The following JMJD1C variants were observed in gnomAD, a reference collection of about 807,000 sequenced individuals.
JMJD1C encodes jumonji domain-containing protein 1C.
A neutral mutation model predicts 245.3 loss-of-function variants in JMJD1C; 31 were observed. That is an observed-to-expected ratio of 0.13 (90% CI 0.09 to 0.17). The LOEUF is 0.17. JMJD1C is among the 10% of genes least tolerant of loss of function. The pLI is 1.00. For synonymous variants in JMJD1C, 1,057 were observed against 1,017.4 expected, an observed-to-expected ratio of 1.04 and a Z score of -0.74; for missense variants, 2,691 against 3,000.2, an observed-to-expected ratio of 0.90 and a Z score of 2.41.
intron 3 of JMJD1C, among the ~76,000 whole-genome samples, chr10:63,254,681 C>G (rs1185778958): frequency 7.0e-6 from 1 of 143,812 alleles, no homozygotes; most frequent in Non-Finnish European, 1.5e-5. Flanking sequence ...GTTGGGACTA[C>G]AGGTGTCCCG....
chr10:63,349,910 C>T (rs1944203095), intron 2 of JMJD1C, among the ~76,000 whole-genome samples: 1 of 152,106 alleles, frequency 6.6e-6, no homozygotes, highest in African/African-American at 2.4e-5. Flanking sequence ...AGAGTATCTA[C>T]ATAAATTTTT....
intron 2 of JMJD1C, among the ~76,000 whole-genome samples, chr10:63,286,175 T>C (rs537057683): frequency 1.2e-4 from 18 of 152,314 alleles, no homozygotes; most frequent in Non-Finnish European, 2.4e-4. Context: ...AAAGACCCTT[T>C]TAAGAATCTG....
chr10:63,199,223 G>A (rs534397723), intron 11 of JMJD1C, among the ~76,000 whole-genome samples: 3 of 152,226 alleles, frequency 2.0e-5, no homozygotes, highest in East Asian at 3.9e-4. Context: ...ATTCTTAATA[G>A]TTTTATAGGA....
chr10:63,351,080 CT>C (rs998025835), intron 2 of JMJD1C, among the ~76,000 whole-genome samples: 226 of 131,048 alleles, frequency 1.7e-3, no homozygotes, highest in East Asian at 8.2e-3. Context: ...AGAAATTTTT[CT>C]TTTTTTTTTT....
chr10:63,298,624 CTACAAGTAT>C (rs1272399427), intron 2 of JMJD1C, among the ~76,000 whole-genome samples: 4 of 152,210 alleles, frequency 2.6e-5, no homozygotes, highest in African/African-American at 9.6e-5. Flanking sequence ...GTACTATATA[CTACAAGTAT>C]TAGGTTTTCA....
intron 3 of JMJD1C, among the ~76,000 whole-genome samples, chr10:63,240,079 G>C (rs1299043421): frequency 6.6e-6 from 1 of 152,050 alleles, no homozygotes; most frequent in Non-Finnish European, 1.5e-5. Context: ...ACTCCATGGG[G>C]GCAGGAAATT....
chr10:63,505,436 G>T (rs1284999427), intron 1 of JMJD1C, among the ~76,000 whole-genome samples: 1 of 152,004 alleles, frequency 6.6e-6, no homozygotes, highest in East Asian at 1.9e-4. Context: ...TTCACGGTAA[G>T]ATGATTGAAA....
chr10:63,193,814 C>G (rs1168839551), intron 14 of JMJD1C, among the ~76,000 whole-genome samples: 2 of 152,032 alleles, frequency 1.3e-5, no homozygotes, highest in African/African-American at 4.8e-5. Context: ...CTACAGGCAC[C>G]TGCCACCACG....
chr10:63,513,296 C>CA (rs1360745542), intron 1 of JMJD1C, among the ~76,000 whole-genome samples: 1 of 152,044 alleles, frequency 6.6e-6, no homozygotes, highest in Non-Finnish European at 1.5e-5. Flanking sequence ...TTACCATATA[C>CA]AAAAATTAAC....
At chr10:63,518,381 C>A (rs550286654) in intron 1 of JMJD1C, among the ~76,000 whole-genome samples, 2 of 152,190 alleles carry the variant, frequency 1.3e-5, no homozygotes, top group Admixed American at 1.3e-4. Context: ...AATCCATATA[C>A]CCTAAATAAG....
intron 1 of JMJD1C, among the ~76,000 whole-genome samples, chr10:63,480,679 T>C (rs1361567877): frequency 6.6e-6 from 1 of 151,632 alleles, no homozygotes; most frequent in African/African-American, 2.4e-5. Flanking sequence ...TGAATGCCTA[T>C]AGATAGAGGC....
chr10:63,377,130 T>G (rs1052640774), intron 2 of JMJD1C, among the ~76,000 whole-genome samples: 2 of 151,610 alleles, frequency 1.3e-5, no homozygotes, highest in Non-Finnish European at 2.9e-5. Context: ...TTAACATGCA[T>G]GAACCCTGAA....
intron 1 of JMJD1C, among the ~76,000 whole-genome samples, chr10:63,413,015 G>T (rs545170795): frequency 6.7e-6 from 1 of 149,372 alleles, no homozygotes; most frequent in Non-Finnish European, 1.5e-5. Flanking sequence ...AGAAAAAGCC[G>T]AAACACAAAA....
intron 1 of JMJD1C, among the ~76,000 whole-genome samples, chr10:63,455,245 C>T (rs1385778841): frequency 1.3e-5 from 2 of 152,076 alleles, no homozygotes; most frequent in Non-Finnish European, 2.9e-5. Flanking sequence ...AATTTTAGTA[C>T]AGATTTTTGT....
chr10:63,488,615 CATT>C (rs1954072165), intron 1 of JMJD1C, among the ~76,000 whole-genome samples: 2 of 151,592 alleles, frequency 1.3e-5, no homozygotes, highest in East Asian at 1.9e-4. Context: ...TCTCAGCACT[CATT>C]ATATCCATTT....
chr10:63,390,485 C>T (rs1947969237), intron 1 of JMJD1C, among the ~76,000 whole-genome samples: 1 of 152,020 alleles, frequency 6.6e-6, no homozygotes, highest in Non-Finnish European at 1.5e-5. Flanking sequence ...CAAACTAGTC[C>T]AAAAAACTGA....
At chr10:63,277,074 G>C (rs1308863278) in intron 2 of JMJD1C, among the ~76,000 whole-genome samples, 1 of 151,328 alleles carries the variant, frequency 6.6e-6, no homozygotes, top group African/African-American at 2.4e-5. Context: ...GTAGAGACAG[G>C]GTTTCACCGT....
intron 2 of JMJD1C, among the ~76,000 whole-genome samples, chr10:63,372,672 C>T (rs536682350): frequency 2.0e-5 from 3 of 152,256 alleles, no homozygotes; most frequent in African/African-American, 7.2e-5. Context: ...AATTTACTTT[C>T]TGAGATGGGT....
chr10:63,518,526 C>G (rs1274073271), intron 1 of JMJD1C, among the ~76,000 whole-genome samples: 1 of 152,148 alleles, frequency 6.6e-6, no homozygotes, highest in South Asian at 2.1e-4. Flanking sequence ...ATACAATTTT[C>G]CAAAACTGTA....
Sources: allele counts gnomAD v4.1 joint callset (sites outside exome capture counted in the v4.1 genomes callset), GRCh38; gene constraint gnomAD v4.1.1; transcripts MANE v1.5; gene names NCBI Gene and HGNC (gene_info 2026-07-23, HGNC 2026-07-21).